HPSE2: variants seen among roughly 807,000 people sequenced by gnomAD.
HPSE2 encodes heparanase 2 (inactive), also known as inactive heparanase-2.
Under a neutral mutation model 60.5 loss-of-function variants are expected in HPSE2, and 38 were observed. The ratio of observed to expected loss-of-function variants is 0.63; its 90% CI spans 0.48 to 0.82. The LOEUF (loss-of-function observed/expected upper bound fraction) is 0.82. Ranked by LOEUF, HPSE2 falls within the 40% of genes least tolerant of loss-of-function variation. The pLI, the probability that HPSE2 is intolerant of heterozygous loss-of-function variation, is 0.00. For synonymous variants in HPSE2, 295 were observed against 293.2 expected (o/e 1.01, Z -0.06); for missense variants, 713 against 740.4 (o/e 0.96, Z 0.43).
At chr10:99,037,036 T>C (rs1443235435) in intron 3 of HPSE2, among the ~76,000 whole-genome samples, 2 of 152,110 alleles carry the variant, frequency 1.3e-5, no homozygotes, top group Admixed American at 6.6e-5. Flanking sequence ...TGAAATGATG[T>C]AAAGAGAAAG....
At chr10:98,955,219 T>G (rs1377680722) in intron 3 of HPSE2, among the ~76,000 whole-genome samples, 7 of 151,866 alleles carry the variant, frequency 4.6e-5, no homozygotes, top group Admixed American at 4.6e-4. Flanking sequence ...CTGAGAAAGG[T>G]CTAATATCTA....
At chr10:99,297,478 TTGTTTG>T in the HPSE2 span, among the ~76,000 whole-genome samples, 1 of 152,218 alleles carries the variant, frequency 6.6e-6, no homozygotes, top group African/African-American at 2.4e-5. Flanking sequence ...AAGTCCCTCA[TTGTTTG>T]AATGCCAGAA....
intron 9 of HPSE2, among the ~76,000 whole-genome samples, chr10:98,579,467 TCA>T: frequency 6.6e-6 from 1 of 152,206 alleles, no homozygotes; most frequent in Non-Finnish European, 1.5e-5. Flanking sequence ...AGCAAGTCAC[TCA>T]GCTTTGCCTG....
chr10:98,705,013 A>C (rs1948508698), intron 5 of HPSE2, among the ~76,000 whole-genome samples: 2 of 152,274 alleles, frequency 1.3e-5, no homozygotes, highest in Middle Eastern at 3.4e-3. Flanking sequence ...CTGCCCATCT[A>C]ACAAAGGTCT....
intron 9 of HPSE2, among the ~76,000 whole-genome samples, chr10:98,600,936 T>TATATATATAG (rs1316555841): frequency 2.9e-4 from 20 of 67,902 alleles, no homozygotes; most frequent in African/African-American, 7.3e-4. Flanking sequence ...TATATATATA[T>TATATATATAG]ATATAGAAAG....
At chr10:99,310,168 A>G in the HPSE2 span, among the ~76,000 whole-genome samples, 1 of 152,174 alleles carries the variant, frequency 6.6e-6, no homozygotes, top group Non-Finnish European at 1.5e-5. Flanking sequence ...TTTAGGGCCC[A>G]CCTGGAAAAT....
intron 3 of HPSE2, among the ~76,000 whole-genome samples, chr10:98,796,122 T>G (rs9804309): frequency 6.6e-6 from 1 of 152,122 alleles, no homozygotes. Context: ...GAAAGACTCC[T>G]TGTGTTTGAG....
chr10:98,707,823 C>G (rs966995588), intron 5 of HPSE2, among the ~76,000 whole-genome samples: 24 of 152,042 alleles, frequency 1.6e-4, no homozygotes, highest in African/African-American at 5.8e-4. Context: ...ATTTTTCAAG[C>G]TTTACAAAAC....
chr10:99,257,457 T>C, the HPSE2 span, among the ~76,000 whole-genome samples: 1 of 152,158 alleles, frequency 6.6e-6, no homozygotes, highest in African/African-American at 2.4e-5. Flanking sequence ...GGGGGGCAGC[T>C]GTCTTTTATG....
At chr10:99,285,519 A>T in the HPSE2 span, among the ~76,000 whole-genome samples, 1 of 109,150 alleles carries the variant, frequency 9.2e-6, no homozygotes, top group Middle Eastern at 4.8e-3. Context: ...GGGAAGGAGT[A>T]GGGTGGAGGG....
chr10:99,001,843 T>C (rs931876368), intron 3 of HPSE2, among the ~76,000 whole-genome samples: 1 of 152,098 alleles, frequency 6.6e-6, no homozygotes, highest in Non-Finnish European at 1.5e-5. Context: ...CTAAAAATCA[T>C]AGAGAATGTT....
intron 5 of HPSE2, among the ~76,000 whole-genome samples, chr10:98,708,986 G>C (rs760744308): frequency 6.6e-6 from 1 of 152,126 alleles, no homozygotes; most frequent in Non-Finnish European, 1.5e-5. Flanking sequence ...TTCCCTGAAC[G>C]TTAGGCTTTC....
chr10:99,063,226 AT>A (rs1394705516), intron 3 of HPSE2, among the ~76,000 whole-genome samples: 1 of 152,216 alleles, frequency 6.6e-6, no homozygotes, highest in Non-Finnish European at 1.5e-5. Context: ...AAAGATAAAC[AT>A]AAGACTGAAG....
intron 3 of HPSE2, among the ~76,000 whole-genome samples, chr10:99,132,192 AG>A (rs1390907646): frequency 1.0e-4 from 2 of 19,628 alleles, no homozygotes; most frequent in East Asian, 2.4e-3. Flanking sequence ...AAAGAAAGAA[AG>A]AGAGAGAGAG....
intron 2 of HPSE2, among the ~76,000 whole-genome samples, chr10:99,215,994 G>A (rs182965824): frequency 2.5e-4 from 38 of 152,186 alleles, no homozygotes; most frequent in African/African-American, 8.7e-4. Context: ...ACCTTGGAAC[G>A]GTTCAATAAA....
At chr10:99,292,216 A>T in the HPSE2 span, among the ~76,000 whole-genome samples, 1 of 152,224 alleles carries the variant, frequency 6.6e-6, no homozygotes, top group East Asian at 1.9e-4. Flanking sequence ...GTTTGAAAAC[A>T]GGCTGGGAAC....
At chr10:98,713,999 A>T (rs1272677546) in intron 5 of HPSE2, among the ~76,000 whole-genome samples, 1 of 151,816 alleles carries the variant, frequency 6.6e-6, no homozygotes, top group Non-Finnish European at 1.5e-5. Flanking sequence ...CTTTACTTTT[A>T]TATTGCCAAG....
chr10:99,139,512 A>ATATATATATG (rs1554898014), intron 3 of HPSE2, among the ~76,000 whole-genome samples: 3 of 152,056 alleles, frequency 2.0e-5, no homozygotes, highest in Non-Finnish European at 4.4e-5. Flanking sequence ...ATATATATAT[A>ATATATATATG]TGTGTGTTAC....
chr10:99,314,400 C>T, the HPSE2 span, among the ~76,000 whole-genome samples: 3 of 152,050 alleles, frequency 2.0e-5, no homozygotes, highest in African/African-American at 7.3e-5. Flanking sequence ...TGAACTCAAG[C>T]GATCCTCCCA....
Sources: gnomAD v4.1 joint callset for allele counts (sites outside exome capture counted in the v4.1 genomes callset) on GRCh38, gnomAD v4.1.1 for gene constraint, MANE v1.5 for transcripts, NCBI Gene and HGNC (gene_info 2026-07-23, HGNC 2026-07-21) for gene names.